The following NRIP1 variants were observed in gnomAD, a reference collection of about 807,000 sequenced individuals.
The protein encoded by NRIP1 is nuclear receptor interacting protein 1, also known as nuclear receptor-interacting protein 1.
Under a neutral mutation model 75.0 loss-of-function variants are expected in NRIP1, and 28 were observed. That is an observed-to-expected ratio of 0.37 (90% CI 0.28 to 0.51). The LOEUF (loss-of-function observed/expected upper bound fraction) is 0.51, where lower values mean the gene tolerates loss of function less well. NRIP1 is among the 20% of genes least tolerant of loss of function. The pLI is 0.92. For missense variants in NRIP1, 1,435 were observed against 1,343.7 expected, an observed-to-expected ratio of 1.07 and a Z score of -1.06; for synonymous variants, 526 against 487.6, an observed-to-expected ratio of 1.08 and a Z score of -1.04.
chr21:14,990,889 C>T (rs1460842050), intron 3 of NRIP1, among the ~76,000 whole-genome samples: 1 of 152,138 alleles, frequency 6.6e-6, no homozygotes, highest in Non-Finnish European at 1.5e-5. Flanking sequence ...CATCACACTG[C>T]CTGCAAAGTT....
At chr21:14,989,014 T>C (rs2087491703) in intron 3 of NRIP1, among the ~76,000 whole-genome samples, 1 of 152,138 alleles carries the variant, frequency 6.6e-6, no homozygotes, top group Admixed American at 6.5e-5. Flanking sequence ...AGGGGCAAAG[T>C]ACTCCGATCA....
At chr21:15,028,545 G>C (rs2088574779) in intron 2 of NRIP1, among the ~76,000 whole-genome samples, 1 of 152,074 alleles carries the variant, frequency 6.6e-6, no homozygotes, top group African/African-American at 2.4e-5. Flanking sequence ...TACAAGGTTT[G>C]GGGCTGAAAA....
chr21:15,049,713 G>A (rs2089162342), intron 1 of NRIP1, among the ~76,000 whole-genome samples: 1 of 151,730 alleles, frequency 6.6e-6, no homozygotes, highest in African/African-American at 2.4e-5. Flanking sequence ...TACTATCCAA[G>A]CACTTTTACA....
intron 2 of NRIP1, among the ~76,000 whole-genome samples, chr21:15,042,035 T>C (rs1035075709): frequency 6.6e-6 from 1 of 152,190 alleles, no homozygotes; most frequent in African/African-American, 2.4e-5. Context: ...GTTTCCATTT[T>C]AAAAGTTCAA....
At chr21:14,983,223 A>C (rs78400503) in intron 3 of NRIP1, among the ~76,000 whole-genome samples, 21 of 152,298 alleles carry the variant, frequency 1.4e-4, no homozygotes, top group African/African-American at 4.3e-4. Context: ...AAAAAAAAAA[A>C]ACAATTATTG....
At chr21:15,038,334 T>G (rs1162487452) in intron 2 of NRIP1, among the ~76,000 whole-genome samples, 1 of 152,060 alleles carries the variant, frequency 6.6e-6, no homozygotes, top group Non-Finnish European at 1.5e-5. Flanking sequence ...AGATACCACC[T>G]GTATAAAATG....
Position 14,965,948 on chromosome 21 carries a change from G to T in NRIP1, c.2245C>A (p.Gln749Lys). Residue 749 changes from glutamine to lysine, a missense_variant, in exon 4 of 4, where the codon CAA becomes AAA. Physicochemically the swap from Gln to Lys is moderately conservative, Grantham distance 53. Coordinates refer to ENST00000318948, the MANE Select transcript of NRIP1 (RefSeq NM_003489.4). ...QEHSERALSEQILMVKIKSEP... is the reference protein window; with the variant it reads ...QEHSERALSEKILMVKIKSEP... ...GATTTTATTTTCACCATCAGTATTT[G>T]TTCACTTAAAGCTCTCTCTGAGTGT... 6.2e-7 allele frequency: 1 copy of T among 1,614,044 alleles called. No homozygotes were observed.
At chr21:14,972,810 C>T (rs2086938397) in intron 3 of NRIP1, among the ~76,000 whole-genome samples, 1 of 152,126 alleles carries the variant, frequency 6.6e-6, no homozygotes, top group Non-Finnish European at 1.5e-5. Flanking sequence ...GAACCTAGAT[C>T]CCTCACATGT....
intron 3 of NRIP1, among the ~76,000 whole-genome samples, chr21:14,996,098 C>G (rs1368358212): frequency 6.6e-6 from 1 of 151,744 alleles, no homozygotes; most frequent in Non-Finnish European, 1.5e-5. Flanking sequence ...CACACTTTTT[C>G]AAAGTTGAAA....
intron 2 of NRIP1, among the ~76,000 whole-genome samples, chr21:15,029,313 AG>A (rs1030430898): frequency 6.6e-6 from 1 of 152,012 alleles, no homozygotes; most frequent in Non-Finnish European, 1.5e-5. Flanking sequence ...CTCCAGCCAC[AG>A]GAACTTCGAC....
At chr21:15,023,519 C>T (rs909180376) in intron 2 of NRIP1, among the ~76,000 whole-genome samples, 2 of 152,030 alleles carry the variant, frequency 1.3e-5, no homozygotes, top group African/African-American at 4.8e-5. Context: ...ACTGCATGCT[C>T]AATATAAATA....
At chr21:15,018,079 T>C (rs2088278479) in intron 2 of NRIP1, among the ~76,000 whole-genome samples, 1 of 152,162 alleles carries the variant, frequency 6.6e-6, no homozygotes, top group African/African-American at 2.4e-5. Context: ...GCCAGATGTG[T>C]TCTGAATCAT....
At chr21:15,015,853 A>G (rs1277088408) in intron 2 of NRIP1, among the ~76,000 whole-genome samples, 5 of 152,180 alleles carry the variant, frequency 3.3e-5, no homozygotes, top group African/African-American at 9.7e-5. Context: ...CAGTAAATAC[A>G]TACATATTAT....
In NRIP1 at chr21:14,967,431, G is replaced by A. The variant is rs761863730; in HGVS notation, c.762C>T (p.Ala254=). Residue 254 remains alanine, a synonymous_variant, in exon 4 of 4, where the codon GCC becomes GCT. Transcript: ENST00000318948. ...ASMVEKRASP[A]TSPKPSVACS... is the part of the protein sequence containing the mutation. Reference sequence around the variant, plus strand: ...AAGCAACACTAGGTTTAGGTGAGGTGGCAGGACTAGCCCTTTTTTCCACCA... The same window carrying A: ...AAGCAACACTAGGTTTAGGTGAGGTAGCAGGACTAGCCCTTTTTTCCACCA... 1.0e-4 allele frequency: 161 copies of A among 1,613,938 alleles called. 1 individual carries two copies. Among genetic ancestry groups the A allele is most frequent in the Non-Finnish European group, 9.6e-5 (113 of 1,179,994 alleles).
chr21:15,027,788 G>A (rs980954608), intron 2 of NRIP1, among the ~76,000 whole-genome samples: 3 of 151,994 alleles, frequency 2.0e-5, no homozygotes, highest in Non-Finnish European at 2.9e-5. Flanking sequence ...AAATCTAAAC[G>A]GGCTTTTTTC....
chr21:15,037,978 G>C (rs1260151471), intron 2 of NRIP1, among the ~76,000 whole-genome samples: 3 of 152,004 alleles, frequency 2.0e-5, no homozygotes, highest in African/African-American at 7.2e-5. Flanking sequence ...GCCTGAATTT[G>C]GAAAATGGCA....
At chr21:15,047,453 T>C (rs185683403) in intron 1 of NRIP1, among the ~76,000 whole-genome samples, 181 of 152,280 alleles carry the variant, frequency 1.2e-3, no homozygotes, top group Admixed American at 2.5e-3. Context: ...GGCGGGAGAA[T>C]GGCGTGAACC....
intron 2 of NRIP1, among the ~76,000 whole-genome samples, chr21:15,019,011 T>C (rs117161916): frequency 2.0e-5 from 3 of 152,084 alleles, no homozygotes; most frequent in Non-Finnish European, 4.4e-5. Flanking sequence ...TGAGTTTTGT[T>C]TGCTTTTATC....
chr21:14,966,564 G>A lies in NRIP1; in HGVS notation c.1629C>T (p.Pro543=), dbSNP rs2086751188. The change falls in exon 4 of 4, where the codon CCC becomes CCT. Residue 543 remains proline (P), a synonymous_variant. Coordinates refer to ENST00000318948, the MANE Select transcript of NRIP1 (RefSeq NM_003489.4). ...TCACTGGAGTAGTCCGATTTGTACT[G>A]GGGCTTTCTATCACAGAAGTCCTTG... is the stretch of plus-strand genomic sequence containing the variant. ...NYARTSVIES[P]STNRTTPVST... The A allele has an allele frequency of 2.5e-6, 4 of 1,614,048 alleles. No homozygotes were observed. Among genetic ancestry groups the A allele is most frequent in the African/African-American group, 2.7e-5 (2 of 75,014 alleles).
Sources: gnomAD v4.1 joint callset for allele counts (sites outside exome capture counted in the v4.1 genomes callset) on GRCh38, gnomAD v4.1.1 for gene constraint, MANE v1.5 for transcripts, NCBI Gene and HGNC (gene_info 2026-07-23, HGNC 2026-07-21) for gene names.